Variants in FMN1 observed in about 807,000 individuals in gnomAD.
FMN1 encodes the protein formin 1.
A neutral mutation model predicts 132.4 loss-of-function variants in FMN1; 110 were observed. That is an observed-to-expected ratio of 0.83 (90% CI 0.71 to 0.97). The LOEUF is 0.97. FMN1 is among the 50% of genes least tolerant of loss of function. The probability of loss-of-function intolerance (pLI) is 0.00; values close to 1 mark genes in which losing one functional copy is unlikely to be tolerated. For missense variants in FMN1, 1,792 were observed against 1,705.3 expected, an observed-to-expected ratio of 1.05 and a Z score of -0.90; for synonymous variants, 722 against 651.7, an observed-to-expected ratio of 1.11 and a Z score of -1.64.
intron 6 of FMN1, among the ~76,000 whole-genome samples, chr15:33,051,176 T>C (rs1166304455): frequency 6.6e-6 from 1 of 152,212 alleles, no homozygotes; most frequent in African/African-American, 2.4e-5. Context: ...GAATTAGGTA[T>C]GATCATTCCA....
intron 6 of FMN1, among the ~76,000 whole-genome samples, chr15:33,034,441 G>C (rs1454244960): frequency 6.6e-6 from 1 of 152,104 alleles, no homozygotes; most frequent in East Asian, 1.9e-4. Flanking sequence ...GCTTGGCATA[G>C]TGTCATGCGC....
At position 32,826,441 on chromosome 15, in the gene FMN1, T is replaced by C. The variant is rs1475413596; in HGVS notation, c.3929-22109A>G. On this transcript the variant is annotated intron_variant, in intron 17 of 20. Transcript: ENST00000616417. ...AGAAAGAGGAAACAAGCCAAAAGGG[T>C]ATGCTCAGAAACTGATGGAAAGGGC... Among the ~76,000 whole-genome samples the C allele has an allele frequency of 4.6e-5, 7 of 152,076 alleles. 1 individual carries two copies. Among genetic ancestry groups the C allele is most frequent in the Admixed American group, 4.6e-4 (7 of 15,276 alleles).
At chr15:32,860,401 C>T (rs1246091734) in intron 16 of FMN1, among the ~76,000 whole-genome samples, 1 of 152,140 alleles carries the variant, frequency 6.6e-6, no homozygotes, top group Non-Finnish European at 1.5e-5. Flanking sequence ...GCCTCTAATA[C>T]CAGCACTTTG....
chr15:33,119,566 A>C (rs1962356144), intron 4 of FMN1, among the ~76,000 whole-genome samples: 2 of 152,186 alleles, frequency 1.3e-5, no homozygotes, highest in South Asian at 4.1e-4. Flanking sequence ...TTAATGATAA[A>C]ACTTTCTGTA....
At chr15:33,038,260 T>G (rs978585876) in intron 6 of FMN1, among the ~76,000 whole-genome samples, 2 of 152,162 alleles carry the variant, frequency 1.3e-5, no homozygotes, top group African/African-American at 2.4e-5. Flanking sequence ...ATAAATAAAC[T>G]ATTACATCCC....
chr15:32,936,553 T>G (rs1319369830), intron 9 of FMN1, among the ~76,000 whole-genome samples: 1 of 152,144 alleles, frequency 6.6e-6, no homozygotes, highest in Non-Finnish European at 1.5e-5. Context: ...TCCAGCTCCT[T>G]TTTGTTCTCA....
intron 7 of FMN1, among the ~76,000 whole-genome samples, chr15:32,986,499 AAACATAGATT>A (rs2033078742): frequency 6.6e-6 from 1 of 152,174 alleles, no homozygotes; most frequent in Non-Finnish European, 1.5e-5. Flanking sequence ...TTCTTTGTGT[AAACATAGATT>A]AAGAAAAATG....
chr15:33,055,484 A>T (rs931176706), intron 6 of FMN1, among the ~76,000 whole-genome samples: 25 of 152,210 alleles, frequency 1.6e-4, no homozygotes, highest in African/African-American at 5.8e-4. Context: ...AACTGGTACA[A>T]GGCTAGACAA....
chr15:32,800,571 T>C (rs558164529), intron 18 of FMN1, among the ~76,000 whole-genome samples: 27 of 152,332 alleles, frequency 1.8e-4, no homozygotes, highest in Non-Finnish European at 3.2e-4. Flanking sequence ...ATATAACCTA[T>C]AGGAACAGGC....
At chr15:32,804,406 C>A in intron 17 of FMN1, 74 bp from the exon 18 acceptor site, 3 of 513,312 alleles carry the variant, frequency 5.8e-6, no homozygotes, top group Non-Finnish European at 9.7e-6. Context: ...GCTTCAATTA[C>A]ACCCATTCAT....
chr15:33,104,178 T>C lies in FMN1; in HGVS notation c.1868-15204A>G, dbSNP rs1191122684. On this transcript the variant is annotated intron_variant, in intron 4 of 20. Transcript: ENST00000616417. Reference sequence around the variant, plus strand: ...TCACCAAATGATAAAATAGAAACTTTTGAGACTCACATTGGTAAGAAATGA... The same window carrying C: ...TCACCAAATGATAAAATAGAAACTTCTGAGACTCACATTGGTAAGAAATGA... Among the ~76,000 whole-genome samples, 10 of 152,128 alleles carry C rather than the reference T, an allele frequency of 6.6e-5. 1 individual carries two copies. Among genetic ancestry groups the C allele is most frequent in the Admixed American group, 6.6e-4 (10 of 15,252 alleles).
At chr15:32,814,828 T>G (rs2058001485) in intron 17 of FMN1, among the ~76,000 whole-genome samples, 1 of 152,228 alleles carries the variant, frequency 6.6e-6, no homozygotes, top group South Asian at 2.1e-4. Context: ...AACCTAGTAT[T>G]TATAAATCGG....
intron 5 of FMN1, among the ~76,000 whole-genome samples, chr15:33,069,993 C>CTTTTTTTTTTTT (rs1171369156): frequency 4.0e-5 from 3 of 74,290 alleles, no homozygotes; most frequent in African/African-American, 1.1e-4. Context: ...CAGTCTTTCT[C>CTTTTTTTTTTTT]TTTTTTTTTT....
intron 6 of FMN1, among the ~76,000 whole-genome samples, chr15:33,058,536 C>T (rs1288148807): frequency 6.6e-6 from 1 of 152,224 alleles, no homozygotes; most frequent in Non-Finnish European, 1.5e-5. Flanking sequence ...CAAGAATCCA[C>T]AGCCTAGAAG....
Position 32,768,247 on chromosome 15 carries a change from G to A in FMN1, c.*6063C>T, listed in dbSNP as rs562876556. 1.3e-5 allele frequency: 2 copies of A among 152,238 alleles called. No homozygotes were observed. The highest frequency in any genetic ancestry group is 4.8e-5 in the African/African-American group (2 of 41,508). 9.4% of individuals were successfully genotyped at this position (152,238 alleles called of 1,614,324 possible). A position where few individuals can be genotyped will look rare whatever the true frequency, so the allele number is the denominator to read the frequency against. ...TTCCCTGAATAGCCAGTGGTCTATG[G>A]GACTAACCTTTCATTTGGGAAAGAC... is the stretch of plus-strand genomic sequence containing the variant. On this transcript the variant is annotated 3_prime_UTR_variant, in exon 21 of 21. Transcript: ENST00000616417.
At chr15:33,061,032 A>C (rs1043206492) in intron 6 of FMN1, among the ~76,000 whole-genome samples, 1 of 152,218 alleles carries the variant, frequency 6.6e-6, no homozygotes, top group Admixed American at 6.5e-5. Flanking sequence ...GAGTGTTCGG[A>C]ACAGGTTCTC....
chr15:32,790,704 C>T (rs1248693739), intron 19 of FMN1, among the ~76,000 whole-genome samples: 1 of 152,164 alleles, frequency 6.6e-6, no homozygotes, highest in African/African-American at 2.4e-5. Flanking sequence ...TCTCAAAGCT[C>T]CCTGTAGCTT....
rs3812928 is a variant in FMN1, at chr15:32,766,951, T to C, written c.*7359A>G. 0.39 allele frequency: 59,312 copies of C among 152,038 alleles called. 12,126 individuals carry two copies. Among genetic ancestry groups the C allele is most frequent in the Middle Eastern group, 0.54 (156 of 290 alleles). 9.4% of individuals were successfully genotyped at this position (152,038 alleles called of 1,614,324 possible). A position where few individuals can be genotyped will look rare whatever the true frequency, so the allele number is the denominator to read the frequency against. ...GGCATGGAGTAAACAGGGTCTATGG[T>C]CAAGCAGCCCCATGGATCTGAAATT... is the stretch of plus-strand genomic sequence containing the variant. On this transcript the variant is annotated 3_prime_UTR_variant, in exon 21 of 21. Transcript: ENST00000616417.
At chr15:32,958,936 G>T (rs1318180633) in intron 9 of FMN1, among the ~76,000 whole-genome samples, 1 of 151,760 alleles carries the variant, frequency 6.6e-6, no homozygotes. Flanking sequence ...TAGCTACTTG[G>T]GAGGCTGAGG....
Sources: gnomAD v4.1 joint callset for allele counts (sites outside exome capture counted in the v4.1 genomes callset) on GRCh38, gnomAD v4.1.1 for gene constraint, MANE v1.5 for transcripts, NCBI Gene and HGNC (gene_info 2026-07-23, HGNC 2026-07-21) for gene names.